The following UXS1 variants were observed in gnomAD, a reference collection of about 807,000 sequenced individuals.
UXS1 encodes UDP-glucuronic acid decarboxylase 1.
UXS1 carries 33 observed loss-of-function variants against 62.6 expected under a neutral mutation model. That is an observed-to-expected ratio of 0.53 (90% CI 0.40 to 0.70). The LOEUF is 0.70. Ranked by LOEUF, UXS1 falls within the 30% of genes least tolerant of loss-of-function variation. The pLI, the probability that UXS1 is intolerant of heterozygous loss-of-function variation, is 0.00. For missense variants in UXS1, 434 were observed against 556.3 expected (o/e 0.78, Z 2.21); for synonymous variants, 213 against 206.8 (o/e 1.03, Z -0.26).
intron 10 of UXS1, among the ~76,000 whole-genome samples, chr2:106,108,325 A>C (rs976045570): frequency 3.3e-5 from 5 of 152,200 alleles, no homozygotes; most frequent in Non-Finnish European, 5.9e-5. Context: ...GATGCTATGC[A>C]ATTATGCCCC....
intron 1 of UXS1, among the ~76,000 whole-genome samples, chr2:106,177,553 C>T (rs1195451838): frequency 3.3e-5 from 5 of 152,198 alleles, no homozygotes; most frequent in Admixed American, 2.0e-4. Context: ...AGTCTGGGGA[C>T]ACCAGGTAAT....
intron 8 of UXS1, 138 bp downstream of exon 8, chr2:106,125,482 C>T (rs913010409): frequency 2.3e-5 from 17 of 751,068 alleles, no homozygotes; most frequent in South Asian, 1.5e-4. Context: ...CCCGGGAGGC[C>T]GACAGGTAGC....
chr2:106,180,147 C>T (rs1338675761), intron 1 of UXS1, among the ~76,000 whole-genome samples: 1 of 152,142 alleles, frequency 6.6e-6, no homozygotes, highest in Non-Finnish European at 1.5e-5. Flanking sequence ...AGTAAAAAAG[C>T]AAAGCACAGA....
chr2:106,115,365 TCTGCCTGCGAGTGGTCAGGCC>T (rs1408606771), intron 9 of UXS1, among the ~76,000 whole-genome samples: 1 of 152,228 alleles, frequency 6.6e-6, no homozygotes. Flanking sequence ...CACACAATGT[TCTGCCTGCGAGTGGTCAGGCC>T]CTGCTGACAC....
At chr2:106,142,045 T>C (rs1262972076) in intron 6 of UXS1, among the ~76,000 whole-genome samples, 1 of 151,984 alleles carries the variant, frequency 6.6e-6, no homozygotes, top group Non-Finnish European at 1.5e-5. Flanking sequence ...TAACTTTTTG[T>C]ATTTTTGGTA....
At chr2:106,099,521 G>C (rs1341402067) in intron 12 of UXS1, among the ~76,000 whole-genome samples, 1 of 152,140 alleles carries the variant, frequency 6.6e-6, no homozygotes, top group African/African-American at 2.4e-5. Flanking sequence ...GAGCACAGAG[G>C]GGATGACTAG....
chr2:106,125,379 T>C (rs1040727716), intron 8 of UXS1, among the ~76,000 whole-genome samples: 6 of 152,186 alleles, frequency 3.9e-5, no homozygotes, highest in Admixed American at 6.5e-5. Flanking sequence ...TCATAAATGG[T>C]GGGTCTTTAC....
At chr2:106,170,528 T>G (rs1480231224) in intron 1 of UXS1, among the ~76,000 whole-genome samples, 1 of 152,210 alleles carries the variant, frequency 6.6e-6, no homozygotes, top group East Asian at 1.9e-4. Context: ...CTTATTACTT[T>G]TTATCTTCAG....
chr2:106,165,820 G>GA (rs1038221434), intron 2 of UXS1, among the ~76,000 whole-genome samples: 1 of 151,776 alleles, frequency 6.6e-6, no homozygotes, highest in Non-Finnish European at 1.5e-5. Context: ...GAGGGAAGCG[G>GA]GGGTGGCCGA....
At chr2:106,186,415 C>T (rs1056573756) in intron 1 of UXS1, among the ~76,000 whole-genome samples, 19 of 151,392 alleles carry the variant, frequency 1.3e-4, no homozygotes, top group Non-Finnish European at 5.9e-5. Context: ...GAATGTGGGA[C>T]ATTTATAGGA....
chr2:106,174,973 C>A (rs768606585), intron 1 of UXS1, among the ~76,000 whole-genome samples: 3 of 152,176 alleles, frequency 2.0e-5, no homozygotes, highest in Non-Finnish European at 2.9e-5. Context: ...TGTTCATTTC[C>A]AAACACATCC....
At chr2:106,183,295 T>A (rs1410751724) in intron 1 of UXS1, 2 of 150,658 alleles carry the variant, frequency 1.3e-5, no homozygotes, top group Admixed American at 1.3e-4. Context: ...TCAACCAAAT[T>A]CTAACTTAGA....
chr2:106,130,033 T>C (rs1484865268), intron 6 of UXS1, among the ~76,000 whole-genome samples: 1 of 152,226 alleles, frequency 6.6e-6, no homozygotes, highest in Non-Finnish European at 1.5e-5. Context: ...TCAATTCGAT[T>C]ACTGAGTTGA....
chr2:106,171,549 G>A (rs946116320), intron 1 of UXS1, among the ~76,000 whole-genome samples: 3 of 152,176 alleles, frequency 2.0e-5, no homozygotes, highest in Non-Finnish European at 4.4e-5. Context: ...ATCCATAAAA[G>A]CCCGGGATTT....
At chr2:106,130,861 TA>T (rs1225637096) in intron 6 of UXS1, among the ~76,000 whole-genome samples, 1 of 152,038 alleles carries the variant, frequency 6.6e-6, no homozygotes, top group Non-Finnish European at 1.5e-5. Flanking sequence ...CATATATATA[TA>T]TTTTTTTTAA....
intron 9 of UXS1, among the ~76,000 whole-genome samples, chr2:106,116,783 T>A (rs1187123428): frequency 1.3e-5 from 2 of 152,198 alleles, no homozygotes; most frequent in Non-Finnish European, 2.9e-5. Flanking sequence ...AAGTTCCTTC[T>A]GGGAAACTGC....
Position 106,104,767 on chromosome 2 carries a change from G to A in UXS1, c.923+27C>T, listed in dbSNP as rs747250009. The A allele has an allele frequency of 4.3e-6, 7 of 1,613,826 alleles. No homozygotes were observed. In the African/African-American group the frequency reaches 9.3e-5, roughly 22 times the overall value. ...GACCCCTGCTCCAAAGCACTGCTAAGGCTGGGGCAGGGCAGGACAGTCTTA... is the reference window on the plus strand; with the variant it reads ...GACCCCTGCTCCAAAGCACTGCTAAAGCTGGGGCAGGGCAGGACAGTCTTA... On this transcript the variant is annotated intron_variant, in intron 11 of 14. Coordinates refer to ENST00000283148, the MANE Select transcript of UXS1 (RefSeq NM_001253875.2).
chr2:106,096,202 G>GTGTA (rs1553415318), intron 14 of UXS1, among the ~76,000 whole-genome samples: 73 of 151,410 alleles, frequency 4.8e-4, no homozygotes, highest in Admixed American at 1.4e-3. Flanking sequence ...GTGTGTGTGT[G>GTGTA]TGTATGTATG....
chr2:106,126,270 T>C (rs1051016956), intron 7 of UXS1, among the ~76,000 whole-genome samples: 5 of 152,220 alleles, frequency 3.3e-5, no homozygotes, highest in African/African-American at 7.2e-5. Flanking sequence ...TCATTATCTA[T>C]GGTGGTCAAG....
Sources: allele counts gnomAD v4.1 joint callset (sites outside exome capture counted in the v4.1 genomes callset), GRCh38; gene constraint gnomAD v4.1.1; transcripts MANE v1.5; gene names NCBI Gene and HGNC (gene_info 2026-07-23, HGNC 2026-07-21).